Variants in ZHX2 observed in about 807,000 individuals in gnomAD.
The protein encoded by ZHX2 is zinc fingers and homeoboxes protein 2.
A neutral mutation model predicts 21.9 loss-of-function variants in ZHX2; 6 were observed. The observed-to-expected ratio is 0.27, with a 90% CI of 0.15 to 0.54. The LOEUF (loss-of-function observed/expected upper bound fraction) is 0.54, where lower values mean the gene tolerates loss of function less well. Ranked by LOEUF, ZHX2 falls within the 20% of genes least tolerant of loss-of-function variation. The pLI is 0.95. For synonymous variants in ZHX2, 434 were observed against 437.1 expected (o/e 0.99, Z 0.09); for missense variants, 908 against 1,090.7 (o/e 0.83, Z 2.36).
At chr8:122,941,091 G>A (rs991009708) in intron 2 of ZHX2, among the ~76,000 whole-genome samples, 1 of 148,694 alleles carries the variant, frequency 6.7e-6, no homozygotes, top group Non-Finnish European at 1.5e-5. Context: ...AAAAAAGATT[G>A]TTTTAAGAAG....
intron 3 of ZHX2, among the ~76,000 whole-genome samples, chr8:122,968,028 G>GGGCT (rs1349495958): frequency 6.6e-6 from 1 of 151,922 alleles, no homozygotes; most frequent in African/African-American, 2.4e-5. Flanking sequence ...TCTTTATTTA[G>GGGCT]GGCTGATGAG....
At position 122,922,273 on chromosome 8, in the gene ZHX2, A is replaced by G. The variant is rs1306816060; in HGVS notation, c.-219-29019A>G. Among the ~76,000 whole-genome samples the G allele has an allele frequency of 2.9e-5, 4 of 137,422 alleles. No individual in the cohort carries two copies. In the East Asian group the frequency reaches 8.9e-4, roughly 30 times the overall value. The allele number at this position is 137,422 out of a possible 152,430, so 90.2% of individuals were successfully genotyped here. A position where few individuals can be genotyped will look rare whatever the true frequency, so the allele number is the denominator to read the frequency against. On this transcript the variant is annotated intron_variant, in intron 2 of 3. Transcript: ENST00000314393. The stretch of plus-strand genomic sequence containing the variant: ...GAATGGCAACATCACTTGTGAGTTC[A>G]TGAAAAAAAAAAAAAGAAAAGGAAA...
At chr8:122,812,155 G>A (rs1353669329) in intron 1 of ZHX2, among the ~76,000 whole-genome samples, 2 of 152,178 alleles carry the variant, frequency 1.3e-5, no homozygotes, top group African/African-American at 4.8e-5. Flanking sequence ...CAGAGCGACA[G>A]CTGGTGCAAA....
rs766512543 is a variant in ZHX2, at chr8:122,951,301, T to A, written c.-210T>A. ...TTGTTCTTGTCCACAGATATGATGC[T>A]TCCTGGTGTGTTTAGTGGTTGGTGC... On this transcript the variant is annotated 5_prime_UTR_variant, in exon 3 of 4. Transcript: ENST00000314393. 3.5e-6 allele frequency: 2 copies of A among 570,900 alleles called. No individual in the cohort carries two copies. The highest frequency in any genetic ancestry group is 6.2e-6 in the Non-Finnish European group (2 of 320,570). 35.4% of individuals were successfully genotyped at this position (570,900 alleles called of 1,614,324 possible). A position where few individuals can be genotyped will look rare whatever the true frequency, so the allele number is the denominator to read the frequency against.
intron 2 of ZHX2, among the ~76,000 whole-genome samples, chr8:122,910,869 C>A (rs761312730): frequency 6.6e-6 from 1 of 152,140 alleles, no homozygotes; most frequent in East Asian, 1.9e-4. Flanking sequence ...AGCACAAATT[C>A]AAACAAAAAA....
chr8:122,922,567 T>C (rs767330580), intron 2 of ZHX2, among the ~76,000 whole-genome samples: 6 of 152,214 alleles, frequency 3.9e-5, no homozygotes, highest in Non-Finnish European at 8.8e-5. Context: ...AGCCATGACC[T>C]GGGGGACCTT....
intron 1 of ZHX2, among the ~76,000 whole-genome samples, chr8:122,857,774 G>A (rs563229050): frequency 1.3e-5 from 2 of 152,142 alleles, no homozygotes; most frequent in Admixed American, 6.5e-5. Context: ...TTTTAATCTC[G>A]CAGGTTCAGG....
chr8:122,861,573 G>A (rs1262224747), intron 1 of ZHX2, among the ~76,000 whole-genome samples: 1 of 152,112 alleles, frequency 6.6e-6, no homozygotes, highest in African/African-American at 2.4e-5. Flanking sequence ...AAGAGCATAT[G>A]GAGTTGGGAG....
intron 1 of ZHX2, chr8:122,815,377 A>G (rs1261560961): frequency 2.0e-5 from 3 of 152,252 alleles, no homozygotes; most frequent in Non-Finnish European, 2.9e-5. Context: ...AATAATAAAT[A>G]CAGGCATACC....
At chr8:122,798,846 C>T (rs1817663175) in intron 1 of ZHX2, among the ~76,000 whole-genome samples, 1 of 151,808 alleles carries the variant, frequency 6.6e-6, no homozygotes, top group Non-Finnish European at 1.5e-5. Flanking sequence ...CTCTCTTCAA[C>T]CAACTGACCC....
At chr8:122,919,138 A>G (rs887411288) in intron 2 of ZHX2, among the ~76,000 whole-genome samples, 1 of 151,986 alleles carries the variant, frequency 6.6e-6, no homozygotes, top group African/African-American at 2.4e-5. Context: ...CAACCCCACC[A>G]TCAGCACAGC....
At chr8:122,963,262 AT>A (rs1813501193) in intron 3 of ZHX2, among the ~76,000 whole-genome samples, 1 of 152,100 alleles carries the variant, frequency 6.6e-6, no homozygotes, top group South Asian at 2.1e-4. Flanking sequence ...CACGTCTTAG[AT>A]TTAAGTCTTT....
At chr8:122,954,136 G>A (rs1813233025) in intron 3 of ZHX2, 108 bp downstream of exon 3, 6 of 1,008,188 alleles carry the variant, frequency 6.0e-6, no homozygotes, top group Non-Finnish European at 8.4e-6. Flanking sequence ...CACAGATGGT[G>A]GCGTCTTTTT....
At chr8:122,836,147 A>G (rs771440331) in intron 1 of ZHX2, among the ~76,000 whole-genome samples, 3 of 152,154 alleles carry the variant, frequency 2.0e-5, no homozygotes, top group Non-Finnish European at 2.9e-5. Flanking sequence ...AACAGGATCT[A>G]ATGGCTTAGA....
intron 2 of ZHX2, among the ~76,000 whole-genome samples, chr8:122,865,059 G>C (rs535274626): frequency 6.6e-6 from 1 of 152,086 alleles, no homozygotes; most frequent in Non-Finnish European, 1.5e-5. Context: ...TGTATATTCA[G>C]CTGAGCCCTG....
At chr8:122,870,663 AAAAG>A (rs527838371) in intron 2 of ZHX2, among the ~76,000 whole-genome samples, 1,679 of 115,478 alleles carry the variant, frequency 0.015, 50 homozygotes, top group Non-Finnish European at 0.019. Flanking sequence ...AAAAAAAAAA[AAAAG>A]AAAGAGAAAG....
At chr8:122,785,987 C>T (rs1415742409) in intron 1 of ZHX2, among the ~76,000 whole-genome samples, 2 of 152,166 alleles carry the variant, frequency 1.3e-5, no homozygotes, top group African/African-American at 4.8e-5. Context: ...TGCAATAAAA[C>T]GAGTTCTGCA....
At chr8:122,789,707 T>C (rs940085772) in intron 1 of ZHX2, among the ~76,000 whole-genome samples, 31 of 152,216 alleles carry the variant, frequency 2.0e-4, no homozygotes, top group African/African-American at 7.2e-4. Context: ...GAGACTGCCC[T>C]CTGGCCAAGA....
At chr8:122,966,288 T>C (rs1813583995) in intron 3 of ZHX2, among the ~76,000 whole-genome samples, 1 of 152,178 alleles carries the variant, frequency 6.6e-6, no homozygotes, top group African/African-American at 2.4e-5. Context: ...TTTTAGTGTA[T>C]TTTGGGGTTT....
Sources: allele counts gnomAD v4.1 joint callset (sites outside exome capture counted in the v4.1 genomes callset), GRCh38; gene constraint gnomAD v4.1.1; transcripts MANE v1.5; gene names NCBI Gene and HGNC (gene_info 2026-07-23, HGNC 2026-07-21).